CNTN5: variants seen among roughly 807,000 people sequenced by gnomAD.
The protein encoded by CNTN5 is contactin-5.
CNTN5 carries 77 observed loss-of-function variants against 129.1 expected under a neutral mutation model. The ratio of observed to expected loss-of-function variants is 0.60; its 90% CI spans 0.50 to 0.72. The LOEUF (loss-of-function observed/expected upper bound fraction) is 0.72. Among genes scored for constraint, CNTN5 ranks in the 30% least tolerant of loss-of-function variants. The pLI is 0.00. For missense variants in CNTN5, 1,478 were observed against 1,328.8 expected (o/e 1.11, Z -1.75); for synonymous variants, 509 against 465.6 (o/e 1.09, Z -1.20).
chr11:99,824,627 G>T (rs1398458770), intron 4 of CNTN5, among the ~76,000 whole-genome samples: 1 of 151,604 alleles, frequency 6.6e-6, no homozygotes, highest in Non-Finnish European at 1.5e-5. Flanking sequence ...TTCCTTTGTA[G>T]TCTGTGCTTT....
intron 2 of CNTN5, among the ~76,000 whole-genome samples, chr11:99,365,512 G>T (rs1939391492): frequency 6.6e-6 from 1 of 152,110 alleles, no homozygotes; most frequent in African/African-American, 2.4e-5. Context: ...AGCCACTCCA[G>T]TATTAAAGCT....
intron 4 of CNTN5, among the ~76,000 whole-genome samples, chr11:99,836,656 C>G (rs1168714086): frequency 6.6e-6 from 1 of 151,908 alleles, no homozygotes; most frequent in African/African-American, 2.4e-5. Context: ...GGGTATATAC[C>G]CAGTAATGGG....
At chr11:99,210,689 G>A (rs939581859) in intron 1 of CNTN5, among the ~76,000 whole-genome samples, 2 of 151,762 alleles carry the variant, frequency 1.3e-5, no homozygotes, top group Non-Finnish European at 2.9e-5. Context: ...ATCAAATCCA[G>A]TGTATAAATT....
intron 1 of CNTN5, among the ~76,000 whole-genome samples, chr11:99,264,837 A>T (rs1862811434): frequency 6.6e-6 from 1 of 152,098 alleles, no homozygotes; most frequent in Non-Finnish European, 1.5e-5. Context: ...AAGAAAATGC[A>T]TATTAATTTA....
At chr11:100,058,290 T>C (rs1210373479) in intron 9 of CNTN5, among the ~76,000 whole-genome samples, 2 of 152,252 alleles carry the variant, frequency 1.3e-5, no homozygotes, top group African/African-American at 4.8e-5. Flanking sequence ...ATCCTATCAG[T>C]ATATGAAGGC....
At chr11:99,120,543 A>G (rs1858264702) in intron 1 of CNTN5, 1 of 152,190 alleles carries the variant, frequency 6.6e-6, no homozygotes, top group Non-Finnish European at 1.5e-5. Context: ...TGCTTTCAAA[A>G]AATTTCAAGT....
chr11:99,096,697 T>C (rs1866480370), intron 1 of CNTN5, among the ~76,000 whole-genome samples: 1 of 151,892 alleles, frequency 6.6e-6, no homozygotes, highest in Non-Finnish European at 1.5e-5. Flanking sequence ...GAGTAGGCTA[T>C]TATTAGACTT....
intron 2 of CNTN5, among the ~76,000 whole-genome samples, chr11:99,463,148 A>AAATAAATAAATGAAT (rs756861193): frequency 4.5e-5 from 3 of 67,356 alleles, no homozygotes; most frequent in Non-Finnish European, 1.1e-4. Flanking sequence ...AATAAATAAA[A>AAATAAATAAATGAAT]GTAAAAAAGT....
chr11:99,274,054 A>G (rs527648180), intron 1 of CNTN5, among the ~76,000 whole-genome samples: 43 of 151,886 alleles, frequency 2.8e-4, no homozygotes, highest in Admixed American at 2.4e-3. Context: ...AGTAACACTA[A>G]CCATACTTCA....
At position 100,300,112 on chromosome 11, in the gene CNTN5, C is replaced by T. The variant is rs1232146683; in HGVS notation, c.2620+716C>T. On this transcript the variant is annotated intron_variant, in intron 20 of 24. Transcript: ENST00000524871. ...GATAGAACTCATAGGTAGGCAGTACCGAGTAGACAATATACCTATTTTACA... is the reference window on the plus strand; with the variant it reads ...GATAGAACTCATAGGTAGGCAGTACTGAGTAGACAATATACCTATTTTACA... 5.3e-5 allele frequency among the ~76,000 whole-genome samples: 8 copies of T among 151,474 alleles called. No homozygotes were observed. The East Asian group carries it at 7.8e-4, about 15-fold the overall frequency.
chr11:99,450,691 A>C (rs1262642914), intron 2 of CNTN5, among the ~76,000 whole-genome samples: 1 of 151,432 alleles, frequency 6.6e-6, no homozygotes, highest in Non-Finnish European at 1.5e-5. Flanking sequence ...TGGTCATCTC[A>C]GTATGAGAGC....
chr11:99,651,327 G>C (rs1357163027), intron 3 of CNTN5, among the ~76,000 whole-genome samples: 1 of 151,688 alleles, frequency 6.6e-6, no homozygotes, highest in Admixed American at 6.6e-5. Flanking sequence ...GTGCAGAAAG[G>C]GGAAAGAAGT....
At chr11:99,991,165 G>A (rs1329003759) in intron 8 of CNTN5, among the ~76,000 whole-genome samples, 1 of 152,218 alleles carries the variant, frequency 6.6e-6, no homozygotes, top group African/African-American at 2.4e-5. Context: ...TGACGTAACA[G>A]TCAAAACTCT....
chr11:99,464,542 C>T (rs1200533831), intron 2 of CNTN5, among the ~76,000 whole-genome samples: 1 of 152,116 alleles, frequency 6.6e-6, no homozygotes, highest in East Asian at 1.9e-4. Flanking sequence ...GCTATGACTT[C>T]TTGGTCCCTT....
intron 13 of CNTN5, among the ~76,000 whole-genome samples, chr11:100,149,909 A>AAAAG (rs1005432692): frequency 2.9e-5 from 4 of 138,490 alleles, no homozygotes; most frequent in Non-Finnish European, 6.2e-5. Flanking sequence ...AAAAAAAAAG[A>AAAAG]AAAGAAAAGA....
chr11:100,189,208 C>A (rs1298233824), intron 13 of CNTN5, among the ~76,000 whole-genome samples: 3 of 151,400 alleles, frequency 2.0e-5, no homozygotes, highest in African/African-American at 7.3e-5. Flanking sequence ...AACAAACCTG[C>A]CCATGTATCC....
At position 100,187,553 on chromosome 11, in the gene CNTN5, G is replaced by T. The variant is rs183527645; in HGVS notation, c.1581-3573G>T. Among the ~76,000 whole-genome samples the T allele has an allele frequency of 3.9e-5, 6 of 152,082 alleles. No homozygotes were observed. In the East Asian group the frequency reaches 1.2e-3, roughly 29 times the overall value. On this transcript the variant is annotated intron_variant, in intron 13 of 24. Transcript: ENST00000524871. ...ACAGGGCTTCAAACTATAGTATAAG[G>T]TTACAGTAAACTAAAACAGCATGGT...
chr11:99,740,022 T>C (rs778413345), intron 3 of CNTN5, among the ~76,000 whole-genome samples: 1 of 151,294 alleles, frequency 6.6e-6, no homozygotes, highest in South Asian at 2.1e-4. Flanking sequence ...TAAATCTATC[T>C]TCGATCTCAA....
intron 18 of CNTN5, among the ~76,000 whole-genome samples, chr11:100,287,056 A>G (rs934265933): frequency 1.3e-5 from 2 of 152,106 alleles, no homozygotes; most frequent in South Asian, 2.1e-4. Flanking sequence ...AGTTTAGAGA[A>G]AAAAGAATAA....
Sources: gnomAD v4.1 joint callset for allele counts (sites outside exome capture counted in the v4.1 genomes callset) on GRCh38, gnomAD v4.1.1 for gene constraint, MANE v1.5 for transcripts, NCBI Gene and HGNC (gene_info 2026-07-23, HGNC 2026-07-21) for gene names.